CDH2: variants seen among roughly 807,000 people sequenced by gnomAD.
CDH2 encodes the protein cadherin 2.
In CDH2, 17 loss-of-function variants were observed where a neutral mutation model predicts 92.0. That is an observed-to-expected ratio of 0.18 (90% CI 0.13 to 0.28). The LOEUF is 0.28. Ranked by LOEUF, CDH2 falls within the 10% of genes least tolerant of loss-of-function variation. CDH2 has a pLI of 1.00. For missense variants in CDH2, 862 were observed against 1,133.1 expected (o/e 0.76, Z 3.44); for synonymous variants, 419 against 415.9 (o/e 1.01, Z -0.09).
Position 28,134,433 on chromosome 18 carries a change from G to T in CDH2, c.172+13240C>A, listed in dbSNP as rs144868436. ...GTTAAAAAAAAATGTTGAGCAGCTA[G>T]ACTAGTTGTCTCACACCTGTAATCC... On this transcript the variant is annotated intron_variant, in intron 2 of 15. Coordinates refer to ENST00000269141, the MANE Select transcript of CDH2 (RefSeq NM_001792.5). 3.9e-3 allele frequency among the ~76,000 whole-genome samples: 590 copies of T among 152,164 alleles called. 7 individuals are homozygous for T. The highest frequency in any genetic ancestry group is 0.014 in the African/African-American group (574 of 41,524).
At chr18:28,072,332 A>G (rs2014634461) in intron 2 of CDH2, among the ~76,000 whole-genome samples, 1 of 152,162 alleles carries the variant, frequency 6.6e-6, no homozygotes, top group Non-Finnish European at 1.5e-5. Flanking sequence ...CCAGCTTCTA[A>G]GCAGTGCTGT....
At chr18:28,146,868 A>T (rs1373544556) in intron 2 of CDH2, among the ~76,000 whole-genome samples, 1 of 152,128 alleles carries the variant, frequency 6.6e-6, no homozygotes, top group South Asian at 2.1e-4. Context: ...ACAACTTACT[A>T]ATCAATTCTT....
intron 2 of CDH2, among the ~76,000 whole-genome samples, chr18:28,089,604 C>G (rs749587503): frequency 7.9e-5 from 12 of 152,054 alleles, no homozygotes; most frequent in Non-Finnish European, 1.6e-4. Context: ...TAATTTAAAG[C>G]AATTTCAATT....
intron 2 of CDH2, among the ~76,000 whole-genome samples, chr18:28,112,077 CAGTT>C (rs570912162): frequency 5.7e-4 from 87 of 152,212 alleles, no homozygotes; most frequent in African/African-American, 2.1e-3. Flanking sequence ...TAGCTGTTAA[CAGTT>C]AGATATATTT....
At chr18:28,036,813 T>C in intron 2 of CDH2, among the ~76,000 whole-genome samples, 1 of 152,146 alleles carries the variant, frequency 6.6e-6, no homozygotes, top group East Asian at 1.9e-4. Flanking sequence ...CTACTGGTCC[T>C]TTTGTCTGTT....
intron 2 of CDH2, among the ~76,000 whole-genome samples, chr18:28,138,424 T>A (rs2015900020): frequency 6.6e-6 from 1 of 152,070 alleles, no homozygotes; most frequent in Admixed American, 6.6e-5. Flanking sequence ...CGCATCTACA[T>A]CAAAGGCAAG....
intron 2 of CDH2, among the ~76,000 whole-genome samples, chr18:28,079,304 T>C (rs995060207): frequency 2.6e-5 from 4 of 152,232 alleles, no homozygotes; most frequent in East Asian, 3.8e-4. Context: ...AATTTCTCTA[T>C]TAATTTTTAG....
intron 2 of CDH2, among the ~76,000 whole-genome samples, chr18:28,039,657 G>C (rs1252685768): frequency 2.6e-5 from 4 of 152,044 alleles, no homozygotes; most frequent in African/African-American, 4.8e-5. Flanking sequence ...TGCTCTATCA[G>C]TGCCAAGTCA....
In CDH2 at chr18:27,945,730, G is replaced by A. The variant is rs117488376; in HGVS notation, c.1152-12606C>T. Reference sequence around the variant, plus strand: ...AACCAGTGAGAGCCTAGTTTATTGAGGTCACAACTCAAAATGCAGGATTGT... The same window carrying A: ...AACCAGTGAGAGCCTAGTTTATTGAAGTCACAACTCAAAATGCAGGATTGT... On this transcript the variant is annotated intron_variant, in intron 6 of 6. Coordinates refer to the CDH2 transcript ENST00000675173. Among the ~76,000 whole-genome samples the A allele has an allele frequency of 2.8e-4, 42 of 152,122 alleles. No individual in the cohort carries two copies. The East Asian group carries it at 6.6e-3, about 24-fold the overall frequency.
Position 27,952,241 on chromosome 18 carries a change from C to T in CDH2, c.2633G>A (p.Ser878Asn). 1 of 1,613,692 alleles carries T rather than the reference C, an allele frequency of 6.2e-7. No homozygotes were observed. The highest frequency in any genetic ancestry group is 8.5e-7 in the Non-Finnish European group (1 of 1,179,740). The part of the protein sequence containing the change: ...GSLSSLNSSS[S>N]GGEQDYDYLN... ...GTAATCATAGTCCTGCTCACCACCA[C>T]TACTTGAGGAATTAAGGGAGCTCAA... Residue 878 changes from serine (S) to asparagine (N), a missense_variant, in exon 16 of 16, where the codon AGT becomes AAT. Transcript: ENST00000269141.
intron 2 of CDH2, 147 bp from the exon 3 acceptor site, chr18:28,014,056 T>C: frequency 3.2e-6 from 2 of 625,156 alleles, no homozygotes; most frequent in South Asian, 2.0e-5. Context: ...TATTTTATTA[T>C]ATCAAAAGCA....
In CDH2 at chr18:27,943,557, A is replaced by G. The variant is rs11564306; in HGVS notation, c.1152-10433T>C. Among the ~76,000 whole-genome samples, 1,437 of 152,332 alleles carry G rather than the reference A, an allele frequency of 9.4e-3. 16 individuals carry two copies. Among genetic ancestry groups the G allele is most frequent in the African/African-American group, 0.026 (1,086 of 41,576 alleles). On this transcript the variant is annotated intron_variant, in intron 6 of 6. Transcript: ENST00000675173. ...TAACTGTATGCAGCTTCTTGATCTTAGAATTGTTAAAATGTGGGAAGTAAT... is the reference window on the plus strand; with the variant it reads ...TAACTGTATGCAGCTTCTTGATCTTGGAATTGTTAAAATGTGGGAAGTAAT...
intron 2 of CDH2, among the ~76,000 whole-genome samples, chr18:28,016,917 T>TCA (rs2013265267): frequency 1.3e-5 from 2 of 152,202 alleles, no homozygotes; most frequent in Admixed American, 1.3e-4. Context: ...ATATGGTGTA[T>TCA]CACATTTATT....
intron 2 of CDH2, among the ~76,000 whole-genome samples, chr18:28,076,746 T>G (rs1599082012): frequency 7.2e-6 from 1 of 138,362 alleles, no homozygotes; most frequent in South Asian, 2.5e-4. Flanking sequence ...TGTGTCCAAG[T>G]GTTCTCACTG....
chr18:28,170,900 C>T (rs1396606994), intron 1 of CDH2, among the ~76,000 whole-genome samples: 1 of 148,932 alleles, frequency 6.7e-6, no homozygotes, highest in African/African-American at 2.5e-5. Context: ...ATGTGTTTGT[C>T]ATAAATACAT....
intron 1 of CDH2, among the ~76,000 whole-genome samples, chr18:28,174,996 A>C (rs555074130): frequency 1.3e-5 from 2 of 152,312 alleles, no homozygotes; most frequent in South Asian, 4.1e-4. Context: ...GGAGTCTTTA[A>C]GTTTGTCTTG....
At chr18:28,091,063 T>G (rs1032761543) in intron 2 of CDH2, among the ~76,000 whole-genome samples, 1 of 152,248 alleles carries the variant, frequency 6.6e-6, no homozygotes, top group Non-Finnish European at 1.5e-5. Context: ...TTTCTCATAT[T>G]TTCCAGGACA....
At chr18:27,983,370 A>T (rs937796164) in intron 13 of CDH2, among the ~76,000 whole-genome samples, 3 of 152,178 alleles carry the variant, frequency 2.0e-5, no homozygotes, top group African/African-American at 7.2e-5. Flanking sequence ...ATATATGGGG[A>T]CAGTAACTTT....
At chr18:27,985,258 T>C in intron 12 of CDH2, 25 bp from the exon 13 acceptor site, 1 of 1,322,960 alleles carries the variant, frequency 7.6e-7, no homozygotes, top group Non-Finnish European at 1.1e-6. Context: ...AAAAACATAG[T>C]TTGATAGGTA....
Sources: allele counts gnomAD v4.1 joint callset (sites outside exome capture counted in the v4.1 genomes callset), GRCh38; gene constraint gnomAD v4.1.1; transcripts MANE v1.5; gene names NCBI Gene and HGNC (gene_info 2026-07-23, HGNC 2026-07-21).